The following SUPT3H variants were observed in gnomAD, a reference collection of about 807,000 sequenced individuals.
SUPT3H encodes the protein SPT3 homolog, SAGA and STAGA complex component, also known as transcription initiation protein SPT3 homolog.
In SUPT3H, 44 loss-of-function variants were observed where a neutral mutation model predicts 44.3. The observed-to-expected ratio is 0.99, with a 90% CI of 0.78 to 1.28. The LOEUF (loss-of-function observed/expected upper bound fraction) is 1.28, where lower values mean the gene tolerates loss of function less well. SUPT3H is among the 50% of genes most tolerant of loss of function. The probability of loss-of-function intolerance (pLI) is 0.00; values close to 1 mark genes in which losing one functional copy is unlikely to be tolerated. For missense variants in SUPT3H, 380 were observed against 387.1 expected (o/e 0.98, Z 0.15); for synonymous variants, 124 against 125.6 (o/e 0.99, Z 0.09).
chr6:45,236,803 A>G (rs1486134696), intron 2 of SUPT3H, among the ~76,000 whole-genome samples: 2 of 152,018 alleles, frequency 1.3e-5, no homozygotes, highest in African/African-American at 4.8e-5. Context: ...TAAATTACTC[A>G]AAGAATTTAA....
Position 44,874,655 on chromosome 6 carries a change from A to C in SUPT3H, c.913-44798T>G, listed in dbSNP as rs1370849186. On this transcript the variant is annotated intron_variant, in intron 10 of 10. Coordinates refer to ENST00000371459, the MANE Select transcript of SUPT3H (RefSeq NM_003599.4). ...AGTGTTGGAAGTTCTGGCCAGGGCA[A>C]TCAGGCAGGAGAAGGAAATAAAGGG... 9.9e-3 allele frequency among the ~76,000 whole-genome samples: 817 copies of C among 82,886 alleles called. 6 individuals are homozygous for C. Among genetic ancestry groups the C allele is most frequent in the Middle Eastern group, 0.016 (3 of 192 alleles). 54.4% of individuals were successfully genotyped at this position (82,886 alleles called of 152,430 possible).
At chr6:45,184,020 T>C (rs926789637) in intron 2 of SUPT3H, among the ~76,000 whole-genome samples, 8 of 152,186 alleles carry the variant, frequency 5.3e-5, no homozygotes, top group South Asian at 2.1e-4. Flanking sequence ...TGCATACATG[T>C]CATACATTTG....
At chr6:45,023,402 T>C (rs562819949) in intron 3 of SUPT3H, among the ~76,000 whole-genome samples, 4 of 152,104 alleles carry the variant, frequency 2.6e-5, no homozygotes, top group African/African-American at 4.8e-5. Flanking sequence ...AGAACTACCA[T>C]TGGACCCAGC....
At chr6:45,345,477 C>T (rs1477217306) in intron 2 of SUPT3H, among the ~76,000 whole-genome samples, 1 of 152,112 alleles carries the variant, frequency 6.6e-6, no homozygotes, top group African/African-American at 2.4e-5. Context: ...AACCAGGATA[C>T]AAATGATAAA....
downstream of SUPT3H, among the ~76,000 whole-genome samples, chr6:44,825,336 A>G (rs980529481): frequency 2.2e-4 from 33 of 152,290 alleles, no homozygotes; most frequent in African/African-American, 7.2e-4. Flanking sequence ...TTAAGTTAAA[A>G]TTTTCTTGCA....
At chr6:45,082,498 T>TAA (rs59173262) in intron 3 of SUPT3H, among the ~76,000 whole-genome samples, 147,785 of 152,278 alleles carry the variant, frequency 0.97, 71,738 homozygotes, top group East Asian at 1. Flanking sequence ...TCAACATATA[T>TAA]GTCAATAAAT....
intron 2 of SUPT3H, among the ~76,000 whole-genome samples, chr6:45,181,531 C>T (rs1813182773): frequency 6.6e-6 from 1 of 151,696 alleles, no homozygotes; most frequent in South Asian, 2.1e-4. Context: ...GAATACTATG[C>T]AGCCATAAAA....
intron 2 of SUPT3H, among the ~76,000 whole-genome samples, chr6:45,206,175 CAT>C (rs1763198078): frequency 1.3e-5 from 2 of 152,010 alleles, no homozygotes; most frequent in South Asian, 4.1e-4. Flanking sequence ...TTATGAAGAA[CAT>C]GTGTTAGTAA....
chr6:44,850,274 A>G (rs1271872295), intron 10 of SUPT3H, among the ~76,000 whole-genome samples: 1 of 152,198 alleles, frequency 6.6e-6, no homozygotes, highest in African/African-American at 2.4e-5. Context: ...AATAAACAGA[A>G]AATTGTTTGA....
intron 10 of SUPT3H, among the ~76,000 whole-genome samples, chr6:44,925,269 C>T (rs1316071508): frequency 6.6e-6 from 1 of 152,124 alleles, no homozygotes; most frequent in South Asian, 2.1e-4. Context: ...GGGTACAGCA[C>T]AAAGCTTCTC....
chr6:45,105,455 G>A (rs1246070974), intron 3 of SUPT3H, among the ~76,000 whole-genome samples: 1 of 151,842 alleles, frequency 6.6e-6, no homozygotes, highest in Non-Finnish European at 1.5e-5. Flanking sequence ...CAGAGTAGGT[G>A]TACAGTCAAA....
At chr6:45,140,766 G>A (rs1315094455) in intron 2 of SUPT3H, among the ~76,000 whole-genome samples, 1 of 152,110 alleles carries the variant, frequency 6.6e-6, no homozygotes, top group Non-Finnish European at 1.5e-5. Flanking sequence ...CCCAGAGCCT[G>A]GTAGCCCCAC....
intron 2 of SUPT3H, among the ~76,000 whole-genome samples, chr6:45,356,570 A>AT (rs556384426): frequency 0.018 from 2,667 of 147,958 alleles, 50 homozygotes; most frequent in South Asian, 0.086. Context: ...GCTAATGTTT[A>AT]TTTTTTTTTT....
At chr6:45,290,701 C>G (rs1469604082) in intron 2 of SUPT3H, among the ~76,000 whole-genome samples, 1 of 152,148 alleles carries the variant, frequency 6.6e-6, no homozygotes, top group Non-Finnish European at 1.5e-5. Flanking sequence ...GGTATCAGGT[C>G]TATCCAATTC....
intron 9 of SUPT3H, among the ~76,000 whole-genome samples, chr6:44,948,051 T>C (rs1201846253): frequency 6.6e-6 from 1 of 152,152 alleles, no homozygotes; most frequent in Admixed American, 6.5e-5. Flanking sequence ...ATTTATTAAA[T>C]AGGGAATCCT....
At chr6:44,896,708 T>A (rs1764180202) in intron 10 of SUPT3H, among the ~76,000 whole-genome samples, 1 of 152,178 alleles carries the variant, frequency 6.6e-6, no homozygotes, top group African/African-American at 2.4e-5. Flanking sequence ...AATTTTCATA[T>A]ATTTCACTTA....
chr6:45,087,364 A>T (rs1448178273), intron 3 of SUPT3H, among the ~76,000 whole-genome samples: 1 of 151,894 alleles, frequency 6.6e-6, no homozygotes, highest in South Asian at 2.1e-4. Flanking sequence ...AGGAAAGGGC[A>T]CACGAACTTA....
intron 3 of SUPT3H, among the ~76,000 whole-genome samples, chr6:45,032,787 C>T (rs1787140531): frequency 6.6e-6 from 1 of 152,160 alleles, no homozygotes; most frequent in African/African-American, 2.4e-5. Flanking sequence ...CCTCATAGAA[C>T]TTCAGCCAAC....
intron 10 of SUPT3H, among the ~76,000 whole-genome samples, chr6:44,871,188 G>A (rs1776399371): frequency 6.7e-6 from 1 of 148,476 alleles, no homozygotes; most frequent in African/African-American, 2.5e-5. Context: ...CTCCACCTCT[G>A]GGGGCAGGGC....
Sources: allele counts gnomAD v4.1 joint callset (sites outside exome capture counted in the v4.1 genomes callset), GRCh38; gene constraint gnomAD v4.1.1; transcripts MANE v1.5; gene names NCBI Gene and HGNC (gene_info 2026-07-23, HGNC 2026-07-21).